The following CROCC variants were observed in gnomAD, a reference collection of about 807,000 sequenced individuals.
CROCC encodes the protein rootletin.
Under a neutral mutation model 245.2 loss-of-function variants are expected in CROCC, and 180 were observed. That is an observed-to-expected ratio of 0.73 (90% CI 0.65 to 0.83). CROCC has a LOEUF of 0.83. CROCC is among the 40% of genes least tolerant of loss of function. The pLI, the probability that CROCC is intolerant of heterozygous loss-of-function variation, is 0.00. For synonymous variants in CROCC, 1,205 were observed against 1,241.6 expected, an observed-to-expected ratio of 0.97 and a Z score of 0.62; for missense variants, 2,688 against 2,779.4, an observed-to-expected ratio of 0.97 and a Z score of 0.74.
intron 13 of CROCC, among the ~76,000 whole-genome samples, chr1:16,941,902 G>C (rs1267527154): frequency 6.6e-6 from 1 of 152,264 alleles, no homozygotes; most frequent in African/African-American, 2.4e-5. Context: ...GGGTCTTGCT[G>C]TGTTGCCCAG....
intron 25 of CROCC, among the ~76,000 whole-genome samples, chr1:16,957,504 G>A (rs187133461): frequency 2.6e-5 from 4 of 152,150 alleles, no homozygotes; most frequent in Admixed American, 1.3e-4. Context: ...GTGCAGTGGC[G>A]CAATCTCGGC....
chr1:16,946,456 C>T (rs371065259), intron 16 of CROCC, 51 bp downstream of exon 16: 14 of 1,591,140 alleles, frequency 8.8e-6, no homozygotes, highest in African/African-American at 4.0e-5. Context: ...ATCCTCCCCA[C>T]TCAGTGAGGC....
intron 8 of CROCC, among the ~76,000 whole-genome samples, chr1:16,936,363 G>C (rs1371949279): frequency 6.6e-6 from 1 of 152,282 alleles, no homozygotes; most frequent in Non-Finnish European, 1.5e-5. Context: ...CACTTCCTGG[G>C]TTCAAGCAAT....
rs775532855 is a variant in CROCC, at chr1:16,966,083, A to T, written c.4660A>T (p.Arg1554Trp). Residue 1554 changes from arginine (R) to tryptophan (W), a missense_variant, in exon 29 of 37, where the codon AGG (arginine) becomes TGG (tryptophan). Physicochemically the swap from Arg to Trp is moderately radical, Grantham distance 101. Transcript: ENST00000375541. This position sits in a 1 kb window ranked among gnomAD's most constrained non-coding sequence, Gnocchi z 4.8. The stretch of plus-strand genomic sequence containing the variant: ...GAGGGACAGCGCAACCTCGAGGGCC[A>T]GGCAGCTGCAGAAGGCGGTGGCTGA... The part of the protein sequence containing the change: ...AERDSATSRA[R>W]QLQKAVAESE... The T allele has an allele frequency of 1.9e-6, 3 of 1,613,416 alleles. No homozygotes were observed. The highest frequency in any genetic ancestry group is 2.5e-6 in the Non-Finnish European group (3 of 1,179,448).
At chr1:16,960,064 C>T (rs559070212) in intron 26 of CROCC, among the ~76,000 whole-genome samples, 2 of 151,962 alleles carry the variant, frequency 1.3e-5, no homozygotes, top group South Asian at 2.1e-4. Flanking sequence ...GCCAGGAGTT[C>T]GAGAGCAGTC....
At chr1:16,932,647 G>A (rs111343071) in intron 8 of CROCC, among the ~76,000 whole-genome samples, 18 of 152,188 alleles carry the variant, frequency 1.2e-4, no homozygotes, top group Non-Finnish European at 2.9e-5. Flanking sequence ...AGCAAGGCAT[G>A]AGCAAAGGCA....
chr1:16,922,617 G>A (rs1345049109), intron 1 of CROCC, 46 bp from the exon 2 acceptor site: 2 of 1,550,602 alleles, frequency 1.3e-6, no homozygotes, highest in African/African-American at 1.4e-5. Flanking sequence ...AGGCCAGGGA[G>A]CCCCGGGTCC....
chr1:16,956,199 GC>G (rs1449810403), intron 25 of CROCC, 43 bp downstream of exon 25: 2 of 1,477,128 alleles, frequency 1.4e-6, no homozygotes, highest in South Asian at 2.7e-5. Context: ...CTTGCTGTGT[GC>G]CCCGGGCCAA....
intron 25 of CROCC, among the ~76,000 whole-genome samples, chr1:16,957,192 A>G (rs1309045176): frequency 1.3e-5 from 2 of 152,150 alleles, no homozygotes; most frequent in Non-Finnish European, 2.9e-5. Context: ...GGACTGCTTG[A>G]GCCTAGGAGT....
At position 16,961,110 on chromosome 1, in the gene CROCC, C is replaced by T. The variant is rs111974370; in HGVS notation, c.4385C>T (p.Ala1462Val). The change falls in exon 27 of 37, where the codon GCC becomes GTC. Residue 1462 changes from alanine to valine, a missense_variant. Coordinates refer to ENST00000375541, the MANE Select transcript of CROCC (RefSeq NM_014675.5). The stretch of plus-strand genomic sequence containing the variant: ...CCGCGGCCAGTGCCCGGTTCCCCTG[C>T]CCGGGACGCACCCGCAGAAGGTAAG... ...PAPRPVPGSP[A>V]RDAPAEGSGE... The T allele has an allele frequency of 1.1e-5, 15 of 1,357,306 alleles. No homozygotes were observed. The Middle Eastern group carries it at 8.3e-4, about 75-fold the overall frequency. 84.1% of individuals were successfully genotyped at this position (1,357,306 alleles called of 1,614,324 possible).
intron 1 of CROCC, among the ~76,000 whole-genome samples, chr1:16,914,368 C>T (rs1239427740): frequency 6.6e-6 from 1 of 152,246 alleles, no homozygotes; most frequent in Non-Finnish European, 1.5e-5. Flanking sequence ...GGGCCGGGGG[C>T]ACGACAGGAG....
chr1:16,939,221 C>G (rs576719506), intron 12 of CROCC, 79 bp downstream of exon 12: 42 of 561,450 alleles, frequency 7.5e-5, no homozygotes, highest in Non-Finnish European at 9.5e-5. Context: ...GGGGCGGGGG[C>G]GGGGGCAGGT....
rs2076489346 is a variant in CROCC, at chr1:16,970,069, C to G, written c.5451+135C>G. 3 of 1,271,130 alleles carry G rather than the reference C, an allele frequency of 2.4e-6. No homozygotes were observed. In the Admixed American group the frequency reaches 8.5e-5, roughly 36 times the overall value. The allele number at this position is 1,271,130 out of a possible 1,614,324, so 78.7% of individuals were successfully genotyped here. A position where few individuals can be genotyped will look rare whatever the true frequency, so the allele number is the denominator to read the frequency against. On this transcript the variant is annotated intron_variant, in intron 33 of 36. Transcript: ENST00000375541. ...GTAAGGAAACATGGTTCATTCAGAG[C>G]ATAGTCCTGTTATACAGATGGAGAA...
In CROCC at chr1:16,951,057, C is replaced by T. The variant is rs1288961498; in HGVS notation, c.2941C>T (p.Gln981Ter). Reference sequence around the variant, plus strand: ...GCTGGTGCAGGCTGAGCGGGAGGCCCAGGCCTCTCTGCGGGAGCAGCGGGC... The same window carrying T: ...GCTGGTGCAGGCTGAGCGGGAGGCCTAGGCCTCTCTGCGGGAGCAGCGGGC... ...QKLVQAEREA[Q>*]ASLREQRAAH... is the part of the protein sequence containing the mutation. Residue 981 changes from glutamine to a stop codon, truncating the protein, a stop_gained, in exon 20 of 37, where the codon CAG becomes TAG. Coordinates refer to ENST00000375541, the MANE Select transcript of CROCC (RefSeq NM_014675.5). LOFTEE classifies it high-confidence loss of function. 8 of 1,606,360 alleles carry T rather than the reference C, an allele frequency of 5.0e-6. No individual in the cohort carries two copies. The highest frequency in any genetic ancestry group is 1.7e-5 in the Admixed American group (1 of 58,864).
At chr1:16,936,529 G>A (rs2075791117) in intron 8 of CROCC, 108 bp from the exon 9 acceptor site, 5 of 1,185,102 alleles carry the variant, frequency 4.2e-6, no homozygotes, top group Non-Finnish European at 5.8e-6. Context: ...TTGGCCTCCT[G>A]AAGTGCTGGG....
At chr1:16,968,489 A>C (rs2076458314) in intron 31 of CROCC, 71 bp downstream of exon 31, 1 of 1,395,002 alleles carries the variant, frequency 7.2e-7, no homozygotes, top group Non-Finnish European at 9.4e-7. Context: ...GGCACTACGC[A>C]GTCCCCCAAC....
chr1:16,918,465 C>G (rs2075335667), upstream of CROCC, among the ~76,000 whole-genome samples: 1 of 152,220 alleles, frequency 6.6e-6, no homozygotes, highest in Non-Finnish European at 1.5e-5. Flanking sequence ...GGGCTGACAT[C>G]CTGTCCCCTT....
At chr1:16,914,129 CGCGCGA>C (rs1557560087) in intron 1 of CROCC, among the ~76,000 whole-genome samples, 35 of 151,260 alleles carry the variant, frequency 2.3e-4, no homozygotes, top group East Asian at 2.1e-3. Context: ...GCGGCGAAGG[CGCGCGA>C]AGGTAGGTGG....
At position 16,954,384 on chromosome 1, in the gene CROCC, C is replaced by T; in HGVS notation, c.3321+27C>T. 1.2e-6 allele frequency: 2 copies of T among 1,602,040 alleles called. No homozygotes were observed. The highest frequency in any genetic ancestry group is 1.7e-6 in the Non-Finnish European group (2 of 1,173,672). On this transcript the variant is annotated intron_variant, in intron 22 of 36. Transcript: ENST00000375541. The surrounding 1 kb of genome is among the most constrained non-coding windows in gnomAD (Gnocchi z 4.4). Reference sequence around the variant, plus strand: ...TAGGGCAGGCTGGGCAGCTGGGCCTCTGTCTCATAGAGAGGCACATCCCTG... The same window carrying T: ...TAGGGCAGGCTGGGCAGCTGGGCCTTTGTCTCATAGAGAGGCACATCCCTG...
Sources: allele counts gnomAD v4.1 joint callset (sites outside exome capture counted in the v4.1 genomes callset), GRCh38; gene constraint gnomAD v4.1.1; non-coding constraint Gnocchi (gnomAD v3.1); transcripts MANE v1.5; gene names NCBI Gene and HGNC (gene_info 2026-07-23, HGNC 2026-07-21).